The following PRDM16 variants were observed in gnomAD, a reference collection of about 807,000 sequenced individuals.
The protein encoded by PRDM16 is PR/SET domain 16.
In PRDM16, 23 loss-of-function variants were observed where a neutral mutation model predicts 110.6. The ratio of observed to expected loss-of-function variants is 0.21; its 90% CI spans 0.15 to 0.29. The LOEUF is 0.29. Ranked by LOEUF, PRDM16 falls within the 10% of genes least tolerant of loss-of-function variation. PRDM16 has a pLI of 1.00. For synonymous variants in PRDM16, 799 were observed against 781.8 expected, an observed-to-expected ratio of 1.02 and a Z score of -0.37; for missense variants, 1,615 against 1,794.3, an observed-to-expected ratio of 0.90 and a Z score of 1.81.
intron 3 of PRDM16, among the ~76,000 whole-genome samples, chr1:3,363,064 C>G (rs562506923): frequency 2.6e-5 from 4 of 152,306 alleles, no homozygotes; most frequent in South Asian, 4.1e-4. Context: ...GCTGCTACCC[C>G]ACCCTGCCGG....
intron 3 of PRDM16, among the ~76,000 whole-genome samples, chr1:3,285,033 G>A (rs1261154255): frequency 2.6e-5 from 4 of 152,210 alleles, no homozygotes; most frequent in Admixed American, 6.5e-5. Context: ...AGCATGGAAC[G>A]CTTCACCTGG....
intron 2 of PRDM16, among the ~76,000 whole-genome samples, chr1:3,193,988 C>T (rs1638387171): frequency 6.6e-6 from 1 of 152,202 alleles, no homozygotes; most frequent in Non-Finnish European, 1.5e-5. Context: ...CTGGCACACC[C>T]CTCTGGCATC....
At chr1:3,136,226 G>C (rs36003133) in intron 1 of PRDM16, among the ~76,000 whole-genome samples, 3 of 152,350 alleles carry the variant, frequency 2.0e-5, no homozygotes, top group South Asian at 2.1e-4. Context: ...CTGCAGCGTA[G>C]CTGAAGTGGA....
In PRDM16 at chr1:3,402,948, C is replaced by G. The variant is rs1286570540; in HGVS notation, c.834C>G (p.Gly278=). ...LKPEGLGGGS[G]QAHECKDCER... ...CCGAGGGCCTTGGCGGTGGCAGCGG[C>G]CAAGCCCACGAGTGCAAGGACTGCG... The change falls in exon 6 of 17, where the codon GGC becomes GGG. Residue 278 remains glycine (G), a synonymous_variant. Transcript: ENST00000270722. 1 of 1,612,490 alleles carries G rather than the reference C, an allele frequency of 6.2e-7. No homozygotes were observed. The highest frequency in any genetic ancestry group is 1.7e-5 in the Admixed American group (1 of 60,006).
At position 3,209,646 on chromosome 1, in the gene PRDM16, G is replaced by T. The variant is rs1638836606; in HGVS notation, c.387+23172G>T. ...CGGGATCCTTTGTCGAGACCAATTGGCCACAAATGCCACCTCCTGCTTCTG... is the reference window on the plus strand; with the variant it reads ...CGGGATCCTTTGTCGAGACCAATTGTCCACAAATGCCACCTCCTGCTTCTG... On this transcript the variant is annotated intron_variant, in intron 2 of 16. Coordinates refer to ENST00000270722, the MANE Select transcript of PRDM16 (RefSeq NM_022114.4). The surrounding 1 kb of genome is among the most constrained non-coding windows in gnomAD (Gnocchi z 4.6). 6.6e-6 allele frequency among the ~76,000 whole-genome samples: 1 copy of T among 152,170 alleles called. No homozygotes were observed. Among genetic ancestry groups the T allele is most frequent in the Non-Finnish European group, 1.5e-5 (1 of 68,036 alleles).
In PRDM16 at chr1:3,438,370, T is replaced by C. The variant is rs1447589222; in HGVS notation, c.*4559T>C. 3 of 202,930 alleles carry C rather than the reference T, an allele frequency of 1.5e-5. No individual in the cohort carries two copies. The highest frequency in any genetic ancestry group is 3.0e-5 in the Non-Finnish European group (3 of 98,794). The allele number at this position is 202,930 out of a possible 1,614,324, so 12.6% of individuals were successfully genotyped here. ...AGTTCCCAATTAATACGGAAATCGC[T>C]GTGGGAGAAGAATGAAATAAGACGT... On this transcript the variant is annotated 3_prime_UTR_variant, in exon 17 of 17. Coordinates refer to ENST00000270722, the MANE Select transcript of PRDM16 (RefSeq NM_022114.4).
chr1:3,171,508 G>A (rs1644025324), intron 1 of PRDM16, among the ~76,000 whole-genome samples: 1 of 152,162 alleles, frequency 6.6e-6, no homozygotes, highest in Admixed American at 6.5e-5. Flanking sequence ...TGGCAGAGGT[G>A]GCCATCCCAG....
rs573245388 is a variant in PRDM16, at chr1:3,269,203, C to T, written c.438+25066C>T. On this transcript the variant is annotated intron_variant, in intron 3 of 16. Transcript: ENST00000270722. ...TTCAGTCCCAAGGAGCAGGCAGTGG[C>T]TGGGGTACCAGATGGACAGCTGGGA... Among the ~76,000 whole-genome samples the T allele has an allele frequency of 2.6e-5, 4 of 152,368 alleles. No homozygotes were observed. In the South Asian group the frequency reaches 8.3e-4, roughly 32 times the overall value.
chr1:3,423,942 C>T (rs148011834), intron 12 of PRDM16, among the ~76,000 whole-genome samples: 15 of 152,374 alleles, frequency 9.8e-5, no homozygotes, highest in South Asian at 2.1e-4. Flanking sequence ...AGATGAGCAC[C>T]GCTGCGGGCG....
At chr1:3,410,831 C>T (rs1054843578) in intron 8 of PRDM16, among the ~76,000 whole-genome samples, 1 of 152,188 alleles carries the variant, frequency 6.6e-6, no homozygotes, top group Non-Finnish European at 1.5e-5. Flanking sequence ...CACATGCATT[C>T]GCTTTCCCCG....
intron 1 of PRDM16, among the ~76,000 whole-genome samples, chr1:3,078,336 T>G (rs943955403): frequency 2.6e-5 from 4 of 151,948 alleles, no homozygotes; most frequent in Admixed American, 6.6e-5. Context: ...CTGTGGCGAG[T>G]CGGGGCTCAG....
chr1:3,264,070 A>G (rs1640230218), intron 3 of PRDM16, among the ~76,000 whole-genome samples: 1 of 152,202 alleles, frequency 6.6e-6, no homozygotes, highest in Non-Finnish European at 1.5e-5. Flanking sequence ...TAGGTTTCCA[A>G]GGCCAAGGCT....
chr1:3,136,509 G>A (rs990910450), intron 1 of PRDM16, among the ~76,000 whole-genome samples: 2 of 152,166 alleles, frequency 1.3e-5, no homozygotes, highest in Admixed American at 1.3e-4. Flanking sequence ...GGGAGAAGCC[G>A]GTTTCTAGTT....
chr1:3,217,063 C>T (rs747057363), intron 2 of PRDM16, among the ~76,000 whole-genome samples: 2 of 152,258 alleles, frequency 1.3e-5, no homozygotes, highest in East Asian at 3.8e-4. Context: ...TGGATAGAAG[C>T]ACGCTTTCTG....
chr1:3,278,656 C>T (rs900898364), intron 3 of PRDM16, among the ~76,000 whole-genome samples: 1 of 152,194 alleles, frequency 6.6e-6, no homozygotes, highest in African/African-American at 2.4e-5. Flanking sequence ...GCCACAAGGC[C>T]GCCCTCTCTG....
chr1:3,399,016 C>T (rs903142151), intron 5 of PRDM16, among the ~76,000 whole-genome samples: 2 of 152,180 alleles, frequency 1.3e-5, no homozygotes, highest in African/African-American at 4.8e-5. Flanking sequence ...GTCAAGAATG[C>T]GAGGCCCATT....
chr1:3,159,584 G>A (rs80117053), intron 1 of PRDM16, among the ~76,000 whole-genome samples: 3,992 of 152,272 alleles, frequency 0.026, 133 homozygotes, highest in East Asian at 0.11. Context: ...ATCTCCACAT[G>A]CAGTCCCATT....
intron 3 of PRDM16, among the ~76,000 whole-genome samples, chr1:3,380,322 C>T (rs1643080958): frequency 6.6e-6 from 1 of 151,988 alleles, no homozygotes; most frequent in South Asian, 2.1e-4. Context: ...CCAGGGGGCC[C>T]ACCAGGCAGA....
At chr1:3,263,227 C>A (rs188720571) in intron 3 of PRDM16, among the ~76,000 whole-genome samples, 53 of 152,304 alleles carry the variant, frequency 3.5e-4, no homozygotes, top group African/African-American at 1.1e-3. Flanking sequence ...CCTGAGAACA[C>A]GGTGAGCTGA....
Sources: gnomAD v4.1 joint callset for allele counts (sites outside exome capture counted in the v4.1 genomes callset) on GRCh38, gnomAD v4.1.1 for gene constraint, Gnocchi (gnomAD v3.1) non-coding constraint, MANE v1.5 for transcripts, NCBI Gene and HGNC (gene_info 2026-07-23, HGNC 2026-07-21) for gene names.